Variants in STOM observed in about 807,000 individuals in gnomAD.
The protein encoded by STOM is stomatin, also known as erythrocyte band 7 integral membrane protein.
Under a neutral mutation model 30.6 loss-of-function variants are expected in STOM, and 25 were observed. The observed-to-expected ratio is 0.82, with a 90% CI of 0.60 to 1.14. STOM has a LOEUF of 1.14. Ranked by LOEUF, STOM falls within the 50% of genes most tolerant of loss-of-function variation. The pLI is 0.00. For synonymous variants in STOM, 118 were observed against 130.8 expected (o/e 0.90, Z 0.67); for missense variants, 292 against 365.2 (o/e 0.80, Z 1.63).
chr9:121,364,858 G>A (rs1331580678), intron 1 of STOM, among the ~76,000 whole-genome samples: 1 of 152,116 alleles, frequency 6.6e-6, no homozygotes, highest in African/African-American at 2.4e-5. Flanking sequence ...CTATTCAGTT[G>A]TGTGTCTTCA....
chr9:121,347,866 G>A, intron 6 of STOM, 149 bp downstream of exon 6: 1 of 973,912 alleles, frequency 1.0e-6, no homozygotes, highest in East Asian at 2.7e-5. Flanking sequence ...GGGGGAATAT[G>A]ATTTGAAGTT....
At position 121,349,168 on chromosome 9, in the gene STOM, A is replaced by C; in HGVS notation, c.477T>G (p.Asn159Lys). 1.2e-6 allele frequency: 2 copies of C among 1,614,172 alleles called. No homozygotes were observed. Among genetic ancestry groups the C allele is most frequent in the Non-Finnish European group, 1.7e-6 (2 of 1,180,038 alleles). The change falls in exon 5 of 7, where the codon AAT becomes AAG. Residue 159 changes from asparagine to lysine, a missense_variant. Coordinates refer to ENST00000286713, the MANE Select transcript of STOM (RefSeq NM_004099.6). Reference sequence around the variant, plus strand: ...CTCTGTCAGAGAGGATCTGAGAAAGATTCTTGGTGCCCAGAACATTCCTCA... The same window carrying C: ...CTCTGTCAGAGAGGATCTGAGAAAGCTTCTTGGTGCCCAGAACATTCCTCA... ...TTLRNVLGTK[N>K]LSQILSDREE...
intron 1 of STOM, among the ~76,000 whole-genome samples, chr9:121,356,419 C>T (rs1421479115): frequency 6.6e-6 from 1 of 152,178 alleles, no homozygotes; most frequent in Non-Finnish European, 1.5e-5. Flanking sequence ...ATTTATTAGG[C>T]CCTCTGCTTT....
rs2064242423 is a variant in STOM at position 121,341,112 on chromosome 9, G to T, written c.*90C>A. ...TCTGGGAACACCACAATTGACATAT[G>T]GAAAAAGAAAAGCCCTACCCTCTCT... On this transcript the variant is annotated 3_prime_UTR_variant, in exon 7 of 7. Transcript: ENST00000286713. 6.3e-7 allele frequency: 1 copy of T among 1,584,652 alleles called. No individual in the cohort carries two copies.
intron 6 of STOM, among the ~76,000 whole-genome samples, chr9:121,343,308 G>A (rs2064262342): frequency 6.6e-6 from 1 of 152,164 alleles, no homozygotes; most frequent in South Asian, 2.1e-4. Flanking sequence ...TGGAGGTGAT[G>A]GTCTTATGCC....
intron 4 of STOM, 56 bp from the exon 5 acceptor site, chr9:121,349,379 TG>T: frequency 1.4e-6 from 2 of 1,468,348 alleles, no homozygotes; most frequent in Non-Finnish European, 1.9e-6. Flanking sequence ...TTAACATAAC[TG>T]TAAGGAATGT....
chr9:121,354,733 C>T, intron 2 of STOM, 60 bp from the exon 3 acceptor site: 2 of 1,274,042 alleles, frequency 1.6e-6, no homozygotes, highest in South Asian at 2.6e-5. Context: ...ACATGCATGG[C>T]TTCTTAAATA....
chr9:121,355,891 AGGTG>A lies in STOM; in HGVS notation c.165+158_165+161del, dbSNP rs2064384328. Among the ~76,000 whole-genome samples the A allele has an allele frequency of 5.9e-5, 9 of 152,128 alleles. No individual in the cohort carries two copies. The South Asian group carries it at 1.9e-3, about 32-fold the overall frequency. On this transcript the variant is annotated intron_variant, in intron 2 of 6. Transcript: ENST00000286713. ...AGAAGTTTTAAGGTTCCATTTTAAT[AGGTG>A]GGTAGAAGAATAAATTTTCCAAAGA...
At chr9:121,366,844 AC>A (rs1223888578) in intron 1 of STOM, among the ~76,000 whole-genome samples, 3 of 151,594 alleles carry the variant, frequency 2.0e-5, no homozygotes, top group African/African-American at 7.3e-5. Context: ...TTGTCCCAGC[AC>A]TCTGGGAGGG....
chr9:121,361,191 C>G (rs1237381027), intron 1 of STOM, among the ~76,000 whole-genome samples: 1 of 152,026 alleles, frequency 6.6e-6, no homozygotes, highest in African/African-American at 2.4e-5. Flanking sequence ...TAAACTCTAG[C>G]AGGCTTATAA....
chr9:121,354,408 G>A (rs1174367455), intron 3 of STOM, among the ~76,000 whole-genome samples, 193 bp downstream of exon 3: 2 of 151,608 alleles, frequency 1.3e-5, no homozygotes, highest in African/African-American at 4.9e-5. Flanking sequence ...TAATCCTAGT[G>A]CTTTGGGAAG....
At chr9:121,360,007 G>C (rs973737645) in intron 1 of STOM, among the ~76,000 whole-genome samples, 3 of 152,186 alleles carry the variant, frequency 2.0e-5, no homozygotes, top group Non-Finnish European at 4.4e-5. Flanking sequence ...AGGACAGACT[G>C]ACCACAAATA....
chr9:121,359,208 A>C (rs1278067020), intron 1 of STOM, among the ~76,000 whole-genome samples: 1 of 152,188 alleles, frequency 6.6e-6, no homozygotes, highest in Non-Finnish European at 1.5e-5. Flanking sequence ...GCTTGGAATA[A>C]ATAGGAGGCC....
intron 2 of STOM, 100 bp from the exon 3 acceptor site, chr9:121,354,773 C>T: frequency 1.2e-6 from 1 of 812,968 alleles, no homozygotes; most frequent in Non-Finnish European, 1.9e-6. Flanking sequence ...GATTAGATGC[C>T]TCATCTTTTT....
chr9:121,352,165 C>T (rs964687234), intron 4 of STOM, among the ~76,000 whole-genome samples: 6 of 152,158 alleles, frequency 3.9e-5, no homozygotes, highest in African/African-American at 7.2e-5. Flanking sequence ...TATACAGTGG[C>T]ACAATATTTG....
chr9:121,369,671 G>C (rs914152960), intron 1 of STOM, among the ~76,000 whole-genome samples: 5 of 152,102 alleles, frequency 3.3e-5, no homozygotes, highest in African/African-American at 1.2e-4. Flanking sequence ...GGGATTGGGG[G>C]AGGAGGGGGT....
chr9:121,369,479 G>A (rs2064540569), intron 1 of STOM, among the ~76,000 whole-genome samples: 1 of 152,078 alleles, frequency 6.6e-6, no homozygotes, highest in Non-Finnish European at 1.5e-5. Flanking sequence ...AGGGAGGGTG[G>A]GGGTGAGGGT....
chr9:121,356,452 T>G (rs756712245), intron 1 of STOM, among the ~76,000 whole-genome samples: 4 of 152,182 alleles, frequency 2.6e-5, no homozygotes, highest in Non-Finnish European at 5.9e-5. Flanking sequence ...TAACAATGAG[T>G]AAGACCCAAT....
At chr9:121,356,448 T>C (rs1273096947) in intron 1 of STOM, among the ~76,000 whole-genome samples, 2 of 152,198 alleles carry the variant, frequency 1.3e-5, no homozygotes, top group African/African-American at 4.8e-5. Flanking sequence ...ATGATAACAA[T>C]GAGTAAGACC....
Sources: gnomAD v4.1 joint callset for allele counts (sites outside exome capture counted in the v4.1 genomes callset) on GRCh38, gnomAD v4.1.1 for gene constraint, MANE v1.5 for transcripts, NCBI Gene and HGNC (gene_info 2026-07-23, HGNC 2026-07-21) for gene names.